The following RNF212B variants were observed in gnomAD, a reference collection of about 807,000 sequenced individuals.
The protein encoded by RNF212B is ring finger protein 212B, also known as E3 ubiquitin-protein ligase RNF212B.
Under a neutral mutation model 55.5 loss-of-function variants are expected in RNF212B, and 52 were observed. The observed-to-expected ratio is 0.94, with a 90% confidence interval of 0.75 to 1.18. The LOEUF is 1.18. Ranked by LOEUF, RNF212B falls within the 50% of genes most tolerant of loss-of-function variation. The pLI is 0.00. For synonymous variants in RNF212B, 99 were observed against 121.4 expected (o/e 0.82, Z 1.21); for missense variants, 289 against 350.4 (o/e 0.82, Z 1.40).
At chr14:23,234,673 C>T (rs556024301), upstream of RNF212B, among the ~76,000 whole-genome samples, 3 of 152,364 alleles carry the variant, frequency 2.0e-5, no homozygotes, top group South Asian at 4.1e-4. Context: ...TGCACCAACA[C>T]CACACTTTAA....
chr14:23,240,537 A>G, intron 2 of RNF212B, 92 bp downstream of exon 2: 1 of 755,082 alleles, frequency 1.3e-6, no homozygotes, highest in Non-Finnish European at 2.2e-6. Flanking sequence ...TTAGGATAAA[A>G]ATCACTTATT....
At chr14:23,207,129 G>T (rs576095600) in intron 2 of RNF212B, among the ~76,000 whole-genome samples, 3 of 152,146 alleles carry the variant, frequency 2.0e-5, no homozygotes, top group African/African-American at 7.2e-5. Context: ...TATTTCAGAA[G>T]TACAGCCAAC....
chr14:23,248,676 G>A (rs1374293072), intron 4 of RNF212B, among the ~76,000 whole-genome samples: 10 of 151,642 alleles, frequency 6.6e-5, no homozygotes, highest in Non-Finnish European at 1.2e-4. Flanking sequence ...TCCTGACCTC[G>A]TGATCCGCCC....
chr14:23,262,084 T>G (rs1017639408), intron 7 of RNF212B, among the ~76,000 whole-genome samples: 2 of 152,194 alleles, frequency 1.3e-5, no homozygotes, highest in African/African-American at 4.8e-5. Flanking sequence ...TGCCCCTACA[T>G]TCATAGAAGT....
intron 2 of RNF212B, chr14:23,230,165 G>C (rs575408991): frequency 1.3e-5 from 2 of 155,058 alleles, no homozygotes; most frequent in Middle Eastern, 6.7e-3. Context: ...AAAAGGAAGA[G>C]AGAGAGAGTT....
At chr14:23,206,801 A>G (rs1879881114) in intron 2 of RNF212B, among the ~76,000 whole-genome samples, 1 of 152,202 alleles carries the variant, frequency 6.6e-6, no homozygotes, top group South Asian at 2.1e-4. Context: ...TTAAAAACCC[A>G]AGAGTAGCCT....
chr14:23,264,690 G>T lies in RNF212B; in HGVS notation c.634+19G>T. On this transcript the variant is annotated intron_variant, in intron 11 of 14. Transcript: ENST00000430154. The stretch of plus-strand genomic sequence containing the variant: ...TATAATGGTGAGGTGGGGGGAAAAG[G>T]GTGTCAGAAATCAACTTACTCTATG... 1 of 1,273,848 alleles carries T rather than the reference G, an allele frequency of 7.9e-7. No individual in the cohort carries two copies. Among genetic ancestry groups the T allele is most frequent in the Non-Finnish European group, 1.0e-6 (1 of 1,000,122 alleles). 78.9% of individuals were successfully genotyped at this position (1,273,848 alleles called of 1,614,324 possible).
At position 23,217,431 on chromosome 14, in the gene RNF212B, G is replaced by A. The variant is rs542180187; in HGVS notation, c.-1-22914G>A. ...GACACCTCTGAGTCCTGGGGAACTC[G>A]CTGCCCTGAAGAGAAGGGCCTTGGC... On this transcript the variant is annotated intron_variant, in intron 2 of 15. Coordinates refer to the RNF212B transcript ENST00000399910. Among the ~76,000 whole-genome samples the A allele has an allele frequency of 5.9e-5, 9 of 152,216 alleles. No individual in the cohort carries two copies. The South Asian group carries it at 1.2e-3, about 21-fold the overall frequency.
chr14:23,260,777 A>C, intron 7 of RNF212B, 90 bp downstream of exon 7: 1 of 1,178,698 alleles, frequency 8.5e-7, no homozygotes, highest in Non-Finnish European at 1.2e-6. Context: ...GAGAGAGAGA[A>C]AATGGTTAAT....
chr14:23,208,890 T>C (rs1013243050), intron 2 of RNF212B, among the ~76,000 whole-genome samples: 13 of 150,304 alleles, frequency 8.6e-5, no homozygotes, highest in South Asian at 2.1e-4. Flanking sequence ...CCCTGAGTAG[T>C]TGGGACTACA....
intron 2 of RNF212B, among the ~76,000 whole-genome samples, chr14:23,213,670 C>T (rs962216786): frequency 6.6e-6 from 1 of 150,616 alleles, no homozygotes; most frequent in Admixed American, 6.6e-5. Flanking sequence ...ACATTTACCA[C>T]TTTTAGGAAC....
chr14:23,215,825 G>A (rs1309474292), intron 2 of RNF212B, among the ~76,000 whole-genome samples: 2 of 152,158 alleles, frequency 1.3e-5, no homozygotes, highest in Non-Finnish European at 2.9e-5. Flanking sequence ...ATGGGTAAAT[G>A]TTGACTATCC....
chr14:23,216,879 C>CA (rs59923716), intron 2 of RNF212B, among the ~76,000 whole-genome samples: 9,846 of 48,548 alleles, frequency 0.2, 2,221 homozygotes, highest in Middle Eastern at 0.36. Context: ...GACCCTGTCT[C>CA]AAAAAAAAAA....
chr14:23,243,357 T>C, intron 3 of RNF212B, 49 bp downstream of exon 3: 2 of 1,423,616 alleles, frequency 1.4e-6, no homozygotes, highest in East Asian at 2.5e-5. Context: ...ATTCCTGGCC[T>C]GTAGGAAGTA....
At position 23,268,974 on chromosome 14, in the gene RNF212B, C is replaced by G; in HGVS notation, c.674+11C>G. On this transcript the variant is annotated intron_variant, in intron 12 of 14. Transcript: ENST00000430154. ...TAGCCTATCTTATAGGTCAGTAACA[C>G]TATGCTTCCTTTTTCTTGGGATGTG... 2.6e-6 allele frequency: 4 copies of G among 1,547,410 alleles called. No homozygotes were observed. Among genetic ancestry groups the G allele is most frequent in the African/African-American group, 1.4e-5 (1 of 73,078 alleles).
intron 2 of RNF212B, among the ~76,000 whole-genome samples, chr14:23,228,308 A>G (rs1407703681): frequency 9.9e-5 from 15 of 151,992 alleles, no homozygotes; most frequent in Admixed American, 9.2e-4. Context: ...CAAATGAGTT[A>G]GAATGGTCAA....
At chr14:23,208,655 G>A (rs2140382956) in intron 2 of RNF212B, among the ~76,000 whole-genome samples, 1 of 152,138 alleles carries the variant, frequency 6.6e-6, no homozygotes, top group African/African-American at 2.4e-5. Context: ...AGAACTCAGG[G>A]TGAGTCTGCA....
intron 2 of RNF212B, among the ~76,000 whole-genome samples, chr14:23,241,774 C>T (rs889451792): frequency 6.6e-6 from 1 of 151,624 alleles, no homozygotes; most frequent in Admixed American, 6.6e-5. Flanking sequence ...ACTCTGGCAA[C>T]GTTACGGACT....
intron 2 of RNF212B, among the ~76,000 whole-genome samples, chr14:23,197,303 G>A (rs1472987241): frequency 6.6e-6 from 1 of 152,250 alleles, no homozygotes; most frequent in Non-Finnish European, 1.5e-5. Context: ...GAGGCAGGTG[G>A]ATTTCATGAG....
Sources: gnomAD v4.1 joint callset for allele counts (sites outside exome capture counted in the v4.1 genomes callset) on GRCh38, gnomAD v4.1.1 for gene constraint, MANE v1.5 for transcripts, NCBI Gene and HGNC (gene_info 2026-07-23, HGNC 2026-07-21) for gene names.